XRCC1: variants seen among roughly 807,000 people sequenced by gnomAD.
XRCC1 encodes DNA repair protein XRCC1.
Under a neutral mutation model 83.3 loss-of-function variants are expected in XRCC1, and 52 were observed. The ratio of observed to expected loss-of-function variants is 0.62; its 90% CI spans 0.50 to 0.79. XRCC1 has a LOEUF of 0.79. XRCC1 is among the 30% of genes least tolerant of loss of function. XRCC1 has a pLI of 0.00. For missense variants in XRCC1, 793 were observed against 823.5 expected, an observed-to-expected ratio of 0.96 and a Z score of 0.45; for synonymous variants, 281 against 312.6, an observed-to-expected ratio of 0.90 and a Z score of 1.07.
intron 9 of XRCC1, 74 bp from the exon 10 acceptor site, chr19:43,551,761 A>T: frequency 8.4e-7 from 1 of 1,184,772 alleles, no homozygotes; most frequent in Non-Finnish European, 1.3e-6. Context: ...CAGGGGAGAC[A>T]GACAGAGAGA....
chr19:43,573,114 C>T (rs867827752), intron 2 of XRCC1, among the ~76,000 whole-genome samples: 6 of 151,518 alleles, frequency 4.0e-5, no homozygotes, highest in African/African-American at 1.2e-4. Flanking sequence ...TATAATTTTT[C>T]GTAGAGATAG....
chr19:43,559,402 C>G (rs1358951351), intron 3 of XRCC1, among the ~76,000 whole-genome samples: 1 of 141,186 alleles, frequency 7.1e-6, no homozygotes, highest in Non-Finnish European at 1.5e-5. Context: ...ATGGCGTGAA[C>G]CCGGGAGGTG....
chr19:43,564,595 C>T (rs1459609065), intron 2 of XRCC1, among the ~76,000 whole-genome samples: 1 of 152,044 alleles, frequency 6.6e-6, no homozygotes, highest in Non-Finnish European at 1.5e-5. Context: ...TCGAGACCAG[C>T]CTGACCAAAA....
At position 43,552,914 on chromosome 19, in the gene XRCC1, G is replaced by A. The variant is rs765213529; in HGVS notation, c.712-6C>T. ...CCTTTGGGAGACTCCTGGGGCTGAG[G>A]GGATGGGGATGGATTGAGGCCTCCA... On this transcript the variant is annotated splice_region_variant and splice_polypyrimidine_tract_variant and intron_variant, in intron 7 of 16. Transcript: ENST00000262887. The A allele has an allele frequency of 6.2e-7, 1 of 1,612,816 alleles. No homozygotes were observed. The highest frequency in any genetic ancestry group is 2.2e-5 in the East Asian group (1 of 44,872).
intron 2 of XRCC1, among the ~76,000 whole-genome samples, chr19:43,568,698 C>G (rs1475197553): frequency 1.3e-5 from 2 of 148,386 alleles, no homozygotes; most frequent in Non-Finnish European, 3.0e-5. Flanking sequence ...GGAAGACCAC[C>G]CAAAAAAACT....
rs1278271480 is a variant in XRCC1, at chr19:43,574,957, A to G, written c.97T>C (p.Trp33Arg). ...TTCTCGCCTGCCTTGGCTGCCCGCC[A>G]TTTTCGGTAAGTGTCTGCCTTGAGA... ...NLLKADTYRK[W>R]RAAKAGEKTI... is the part of the protein sequence containing the mutation. Residue 33 changes from tryptophan to arginine, a missense_variant, in exon 2 of 17, where the codon TGG becomes CGG. Trp to Arg is a moderately radical substitution (Grantham distance 101). Transcript: ENST00000262887. 5 of 1,613,946 alleles carry G rather than the reference A, an allele frequency of 3.1e-6. No homozygotes were observed. The East Asian group carries it at 8.9e-5, about 29-fold the overall frequency.
At chr19:43,551,911 A>G (rs1972579871) in intron 9 of XRCC1, 106 bp downstream of exon 9, 1 of 1,293,652 alleles carries the variant, frequency 7.7e-7, no homozygotes, top group Admixed American at 1.8e-5. Flanking sequence ...AGTGAGAGAG[A>G]GAGAAAGCAT....
intron 2 of XRCC1, among the ~76,000 whole-genome samples, chr19:43,561,971 C>T (rs1472913824): frequency 1.3e-5 from 2 of 151,364 alleles, no homozygotes; most frequent in African/African-American, 2.4e-5. Flanking sequence ...CATGGCAAAA[C>T]CCCTTCTCTA....
chr19:43,553,353 T>C (rs1181810753), intron 6 of XRCC1, 48 bp downstream of exon 6: 1 of 1,584,676 alleles, frequency 6.3e-7, no homozygotes, highest in South Asian at 1.1e-5. Flanking sequence ...GACCCACGAG[T>C]CTAGGTCTCA....
At chr19:43,543,794 C>G in intron 15 of XRCC1, 107 bp from the exon 16 acceptor site, 3 of 1,047,158 alleles carry the variant, frequency 2.9e-6, no homozygotes, top group South Asian at 2.9e-5. Context: ...CCCACCTATG[C>G]GCCTCTAGGT....
At chr19:43,571,484 G>A (rs3213266) in intron 2 of XRCC1, among the ~76,000 whole-genome samples, 15,664 of 152,162 alleles carry the variant, frequency 0.1, 960 homozygotes, top group Admixed American at 0.16. Flanking sequence ...CCCTACTAAC[G>A]TGAAAGCTCC....
At chr19:43,561,123 T>A in intron 2 of XRCC1, 103 bp from the exon 3 acceptor site, 1 of 929,498 alleles carries the variant, frequency 1.1e-6, no homozygotes, top group Admixed American at 1.7e-5. Context: ...CCCTGTAATG[T>A]CAATTCTGTG....
Position 43,561,019 on chromosome 19 carries a change from A to T in XRCC1, c.146T>A (p.Leu49Ter). Residue 49 changes from leucine (L) to a stop codon, truncating the protein, a stop_gained and splice_region_variant, in exon 3 of 17, where the codon TTG (leucine) becomes TAG (stop). Coordinates refer to ENST00000262887, the MANE Select transcript of XRCC1 (RefSeq NM_006297.3). LOFTEE classifies it high-confidence loss of function. ...GEKTISVVLQLEKEEQIHSVD... is the reference protein window; with the variant it reads ...GEKTISVVLQ The stretch of plus-strand genomic sequence containing the variant: ...ACTGTGTATCTGCTCCTCCTTCTCC[A>T]ACTGTGGGCAGAGAGAGAGGCCACT... The T allele has an allele frequency of 6.2e-7, 1 of 1,613,392 alleles. No homozygotes were observed. The highest frequency in any genetic ancestry group is 1.1e-5 in the South Asian group (1 of 91,076).
chr19:43,552,729 C>T, intron 8 of XRCC1, 68 bp downstream of exon 8: 1 of 1,433,396 alleles, frequency 7.0e-7, no homozygotes, highest in Non-Finnish European at 9.4e-7. Context: ...ACAGCAGGCT[C>T]CAGCCCCGCT....
chr19:43,573,650 A>C (rs1017419518), intron 2 of XRCC1, among the ~76,000 whole-genome samples: 2 of 152,168 alleles, frequency 1.3e-5, no homozygotes, highest in African/African-American at 2.4e-5. Flanking sequence ...AAGCAGGAGG[A>C]ACGCTTGAGC....
chr19:43,575,303 C>T, intron 1 of XRCC1, 105 bp downstream of exon 1: 2 of 1,264,964 alleles, frequency 1.6e-6, no homozygotes, highest in South Asian at 1.5e-5. Flanking sequence ...TGGAAATCCC[C>T]CCATGACTCT....
chr19:43,550,284 T>A (rs1972562105), intron 10 of XRCC1, among the ~76,000 whole-genome samples: 1 of 148,786 alleles, frequency 6.7e-6, no homozygotes, highest in Non-Finnish European at 1.5e-5. Context: ...CTTAAGGGGA[T>A]AAAAAAAAAA....
intron 2 of XRCC1, among the ~76,000 whole-genome samples, chr19:43,568,523 A>AGT (rs1972776160): frequency 6.6e-6 from 1 of 152,066 alleles, no homozygotes; most frequent in African/African-American, 2.4e-5. Context: ...TAAGTAAGTA[A>AGT]ATAAATAAAT....
intron 8 of XRCC1, 61 bp downstream of exon 8, chr19:43,552,736 C>A (rs1413767989): frequency 4.1e-6 from 6 of 1,463,386 alleles, no homozygotes; most frequent in Non-Finnish European, 5.5e-6. Context: ...GCTCCAGCCC[C>A]GCTTCCCCTA....
Sources: gnomAD v4.1 joint callset for allele counts (sites outside exome capture counted in the v4.1 genomes callset) on GRCh38, gnomAD v4.1.1 for gene constraint, MANE v1.5 for transcripts, NCBI Gene and HGNC (gene_info 2026-07-23, HGNC 2026-07-21) for gene names.